GLT1D1: variants seen among roughly 807,000 people sequenced by gnomAD.
GLT1D1 encodes glycosyltransferase 1 domain containing 1.
In GLT1D1, 21 loss-of-function variants were observed where a neutral mutation model predicts 28.7. The ratio of observed to expected loss-of-function variants is 0.73; its 90% confidence interval spans 0.52 to 1.05. The LOEUF (loss-of-function observed/expected upper bound fraction) is 1.05, where lower values mean the gene tolerates loss of function less well. Among genes scored for constraint, GLT1D1 ranks in the 50% least tolerant of loss-of-function variants. GLT1D1 has a pLI of 0.00. For missense variants in GLT1D1, 343 were observed against 330.6 expected (o/e 1.04, Z -0.29); for synonymous variants, 147 against 124.8 (o/e 1.18, Z -1.19).
intron 2 of GLT1D1, among the ~76,000 whole-genome samples, chr12:128,882,639 A>G (rs1208371932): frequency 6.6e-6 from 1 of 152,160 alleles, no homozygotes; most frequent in East Asian, 1.9e-4. Flanking sequence ...CAATTATTAT[A>G]TGAACGTCAA....
chr12:128,957,517 C>A, intron 6 of GLT1D1, 28 bp from the exon 11 acceptor site: 1 of 1,508,264 alleles, frequency 6.6e-7, no homozygotes, highest in Non-Finnish European at 9.2e-7. Context: ...TGACTGCCTT[C>A]CACCCCCTTT....
At chr12:128,982,450 C>T (rs1222111558) in intron 7 of GLT1D1, among the ~76,000 whole-genome samples, 1 of 152,136 alleles carries the variant, frequency 6.6e-6, no homozygotes, top group African/African-American at 2.4e-5. Context: ...GCTCTGCACC[C>T]AGGGAAGAGG....
chr12:128,971,067 T>C lies in GLT1D1; in HGVS notation c.640-11862T>C, dbSNP rs185108196. ...GTACTTTAACTGCTCTCATTTCTTT[T>C]TCTTTTCAAAGTCGCAGATGACAGC... is the stretch of plus-strand genomic sequence containing the variant. On this transcript the variant is annotated intron_variant, in intron 7 of 7. Transcript: ENST00000281703. Among the ~76,000 whole-genome samples the C allele has an allele frequency of 2.0e-5, 3 of 152,328 alleles. No individual in the cohort carries two copies. The East Asian group carries it at 5.8e-4, about 29-fold the overall frequency.
chr12:128,953,849 G>A (rs947442580), intron 6 of GLT1D1, among the ~76,000 whole-genome samples: 21 of 150,382 alleles, frequency 1.4e-4, no homozygotes, highest in South Asian at 4.2e-4. Context: ...GGGATCAAGC[G>A]ATTCTCCTGC....
intron 4 of GLT1D1, among the ~76,000 whole-genome samples, chr12:128,900,243 C>T (rs931179625): frequency 2.6e-5 from 4 of 152,230 alleles, no homozygotes; most frequent in Non-Finnish European, 4.4e-5. Context: ...AGCGTTCATC[C>T]GCTGTGCACA....
In GLT1D1 at chr12:128,947,414, G is replaced by A. The variant is rs1876242630; in HGVS notation, c.496G>A (p.Val166Met). 4 of 1,614,196 alleles carry A rather than the reference G, an allele frequency of 2.5e-6. No individual in the cohort carries two copies. Among genetic ancestry groups the A allele is most frequent in the Non-Finnish European group, 3.4e-6 (4 of 1,180,042 alleles). ...GGTGGTGAAGAATTGCTTCGCGGTGGTGAATAGCTCTGTCTCTGAAGGCAT... is the reference window on the plus strand; with the variant it reads ...GGTGGTGAAGAATTGCTTCGCGGTGATGAATAGCTCTGTCTCTGAAGGCAT... Residue 166 changes from valine to methionine, a missense_variant, in exon 6 of 8, where the codon GTG (valine) becomes ATG (methionine). By Grantham distance (21) the Val-to-Met change is conservative. Transcript: ENST00000281703.
Position 128,951,255 on chromosome 12 carries a change from G to T in GLT1D1, c.540+3797G>T, listed in dbSNP as rs558106696. ...CTGTCTCTACTAAAAATACAAAAATGAGCCAGGTGTGATGACGTGCACCTG... is the reference window on the plus strand; with the variant it reads ...CTGTCTCTACTAAAAATACAAAAATTAGCCAGGTGTGATGACGTGCACCTG... On this transcript the variant is annotated intron_variant, in intron 6 of 7. Coordinates refer to ENST00000281703, the MANE Select transcript of GLT1D1 (RefSeq NM_144669.3). Among the ~76,000 whole-genome samples the T allele has an allele frequency of 4.4e-3, 665 of 152,096 alleles. 3 individuals are homozygous for T. Among genetic ancestry groups the T allele is most frequent in the Non-Finnish European group, 6.1e-3 (413 of 67,990 alleles).
Position 128,969,899 on chromosome 12 carries a change from C to T in GLT1D1, c.639+12256C>T, listed in dbSNP as rs148157570. On this transcript the variant is annotated intron_variant, in intron 7 of 7. Transcript: ENST00000281703. The stretch of plus-strand genomic sequence containing the variant: ...TGGGCACCTGCCAGGAGTGTGAGCC[C>T]GCAGGCTCCAGCTGGGGACTGTGAT... Among the ~76,000 whole-genome samples, 1,262 of 152,218 alleles carry T rather than the reference C, an allele frequency of 8.3e-3. 63 individuals are homozygous for T. The highest frequency in any genetic ancestry group is 0.074 in the Admixed American group (1,133 of 15,286).
intron 4 of GLT1D1, among the ~76,000 whole-genome samples, chr12:128,915,671 C>T (rs1872038868): frequency 6.6e-6 from 1 of 152,066 alleles, no homozygotes; most frequent in East Asian, 1.9e-4. Flanking sequence ...CCAAAAAATG[C>T]AACAAAAATT....
intron 7 of GLT1D1, among the ~76,000 whole-genome samples, chr12:128,977,583 A>C (rs191580490): frequency 1.3e-5 from 2 of 152,284 alleles, no homozygotes; most frequent in East Asian, 3.9e-4. Context: ...GCCTGTATTT[A>C]CCATGTGGCT....
intron 7 of GLT1D1, among the ~76,000 whole-genome samples, chr12:128,961,537 A>G (rs944790553): frequency 1.3e-5 from 2 of 152,332 alleles, no homozygotes; most frequent in African/African-American, 2.4e-5. Flanking sequence ...GGAGGTCATT[A>G]TATTAAGTGA....
At chr12:128,981,308 A>G (rs1019997642) in intron 7 of GLT1D1, among the ~76,000 whole-genome samples, 1 of 152,218 alleles carries the variant, frequency 6.6e-6, no homozygotes, top group Non-Finnish European at 1.5e-5. Context: ...TAAAAGGGCC[A>G]TGCATTCTGT....
Position 128,897,919 on chromosome 12 carries a change from G to T in GLT1D1, c.324-1317G>T, listed in dbSNP as rs1398457089. ...CCTGACCTTGTGATCCGCCCGCCTT[G>T]GACTCCCAAAGTGCTGGGATTACAG... On this transcript the variant is annotated intron_variant, in intron 3 of 7. Transcript: ENST00000281703. 2.0e-5 allele frequency among the ~76,000 whole-genome samples: 3 copies of T among 152,190 alleles called. No homozygotes were observed. The East Asian group carries it at 5.8e-4, about 29-fold the overall frequency.
rs76244496 is a variant in GLT1D1, at chr12:128,913,945, C to T, written c.375+14658C>T. On this transcript the variant is annotated intron_variant, in intron 4 of 7. Coordinates refer to ENST00000281703, the MANE Select transcript of GLT1D1 (RefSeq NM_144669.3). Reference sequence around the variant, plus strand: ...GTGGAGTATGGAAAGCGCCTACATGCAGTCGGAGCCCAGGGCTGGCTTGAA... The same window carrying T: ...GTGGAGTATGGAAAGCGCCTACATGTAGTCGGAGCCCAGGGCTGGCTTGAA... Among the ~76,000 whole-genome samples, 677 of 152,296 alleles carry T rather than the reference C, an allele frequency of 4.4e-3. 8 individuals are homozygous for T. Among genetic ancestry groups the T allele is most frequent in the African/African-American group, 0.016 (658 of 41,568 alleles).
At chr12:128,928,235 C>G (rs535819898) in intron 4 of GLT1D1, among the ~76,000 whole-genome samples, 1 of 152,088 alleles carries the variant, frequency 6.6e-6, no homozygotes, top group Non-Finnish European at 1.5e-5. Context: ...CCTTTGGGAG[C>G]CTTGTTGTGT....
rs1487524482 is a variant in GLT1D1 at position 128,867,261 on chromosome 12, C to T, written c.69-8653C>T. On this transcript the variant is annotated intron_variant, in intron 1 of 7. Coordinates refer to ENST00000281703, the MANE Select transcript of GLT1D1 (RefSeq NM_144669.3). ...ATACAAAATTAGCCGGGCGTGGTGG[C>T]GAATGCCTGTAATCCCAGGCATGTA... Among the ~76,000 whole-genome samples, 6 of 151,594 alleles carry T rather than the reference C, an allele frequency of 4.0e-5. No individual in the cohort carries two copies. The East Asian group carries it at 6.0e-4, about 15-fold the overall frequency.
At chr12:128,953,596 T>C (rs2135507084) in intron 6 of GLT1D1, among the ~76,000 whole-genome samples, 1 of 152,380 alleles carries the variant, frequency 6.6e-6, no homozygotes, top group East Asian at 1.9e-4. Context: ...AACTTGTGTA[T>C]TTCTCTCTAA....
chr12:128,919,090 T>C lies in GLT1D1; in HGVS notation c.375+19803T>C, dbSNP rs71464422. On this transcript the variant is annotated intron_variant, in intron 4 of 7. Transcript: ENST00000281703. ...AGGATTAATCTGCGTCTCTGGGTTT[T>C]ATGATCAGGCATCTGTTCGCATTTG... Among the ~76,000 whole-genome samples, 527 of 152,330 alleles carry C rather than the reference T, an allele frequency of 3.5e-3. 3 individuals carry two copies. Among genetic ancestry groups the C allele is most frequent in the Middle Eastern group, 0.01 (3 of 294 alleles).
At chr12:128,960,583 C>G (rs924711391) in intron 7 of GLT1D1, among the ~76,000 whole-genome samples, 1 of 151,694 alleles carries the variant, frequency 6.6e-6, no homozygotes, top group Non-Finnish European at 1.5e-5. Flanking sequence ...CATGCAAAAC[C>G]CTGTCTCTAC....
Sources: gnomAD v4.1 joint callset for allele counts (sites outside exome capture counted in the v4.1 genomes callset) on GRCh38, gnomAD v4.1.1 for gene constraint, MANE v1.5 for transcripts, NCBI Gene and HGNC (gene_info 2026-07-23, HGNC 2026-07-21) for gene names.